TPTE2: variants seen among roughly 807,000 people sequenced by gnomAD.
The protein encoded by TPTE2 is transmembrane phosphoinositide 3-phosphatase and tensin homolog 2.
A neutral mutation model predicts 78.6 loss-of-function variants in TPTE2; 53 were observed. The observed-to-expected ratio is 0.67, with a 90% CI of 0.54 to 0.85. TPTE2 has a LOEUF of 0.85. Ranked by LOEUF, TPTE2 falls within the 40% of genes least tolerant of loss-of-function variation. The probability of loss-of-function intolerance (pLI) is 0.00; values close to 1 mark genes in which losing one functional copy is unlikely to be tolerated. For synonymous variants in TPTE2, 175 were observed against 206.2 expected, an observed-to-expected ratio of 0.85 and a Z score of 1.30; for missense variants, 461 against 623.0, an observed-to-expected ratio of 0.74 and a Z score of 2.77.
the TPTE2 span, chr13:19,561,401 G>A: frequency 1.1e-5 from 5 of 445,088 alleles, no homozygotes; most frequent in Non-Finnish European, 2.0e-5. Flanking sequence ...CACCTCCCGG[G>A]GCGCCGCGCC....
At chr13:19,555,898 C>T in the TPTE2 span, among the ~76,000 whole-genome samples, 9 of 145,528 alleles carry the variant, frequency 6.2e-5, no homozygotes, top group African/African-American at 1.3e-4. Context: ...CTGCAACCTC[C>T]GCCTCCTGGG....
chr13:19,427,382 C>T (rs867190113), intron 17 of TPTE2, among the ~76,000 whole-genome samples: 2 of 151,930 alleles, frequency 1.3e-5, no homozygotes, highest in African/African-American at 2.4e-5. Context: ...CGTGCCCGGC[C>T]GTGAGGCACT....
intron 1 of TPTE2, among the ~76,000 whole-genome samples, chr13:19,495,109 C>T (rs1382231847): frequency 6.6e-6 from 1 of 152,150 alleles, no homozygotes. Context: ...CGTATAATCC[C>T]ATCTGAGTTC....
chr13:19,469,141 A>C (rs1441578672), intron 6 of TPTE2, among the ~76,000 whole-genome samples: 9 of 152,146 alleles, frequency 5.9e-5, no homozygotes, highest in Non-Finnish European at 1.3e-4. Context: ...CTTGTAGTAT[A>C]GTAGTTTCAT....
At chr13:19,442,738 G>A (rs1315115530) in intron 13 of TPTE2, among the ~76,000 whole-genome samples, 1 of 152,114 alleles carries the variant, frequency 6.6e-6, no homozygotes, top group Non-Finnish European at 1.5e-5. Context: ...GAACATCTCT[G>A]CAGACACTAA....
intron 2 of TPTE2, among the ~76,000 whole-genome samples, chr13:19,493,240 C>G (rs1019939533): frequency 8.6e-5 from 13 of 151,802 alleles, no homozygotes; most frequent in Non-Finnish European, 1.9e-4. Flanking sequence ...CACAAACCTC[C>G]ATCAGTCTCC....
chr13:19,478,365 C>T (rs955261212), intron 4 of TPTE2, among the ~76,000 whole-genome samples: 1 of 152,198 alleles, frequency 6.6e-6, no homozygotes, highest in Admixed American at 6.5e-5. Flanking sequence ...TGAACAGACA[C>T]TTCTCAAAAG....
At chr13:19,434,049 C>T (rs1205284585) in intron 15 of TPTE2, among the ~76,000 whole-genome samples, 1 of 152,172 alleles carries the variant, frequency 6.6e-6, no homozygotes, top group African/African-American at 2.4e-5. Flanking sequence ...CAACTTAAAA[C>T]AACATGGACT....
chr13:19,560,925 C>G, the TPTE2 span: 8 of 1,596,374 alleles, frequency 5.0e-6, no homozygotes, highest in South Asian at 1.1e-5. Context: ...CAGCTGTACT[C>G]CATACTCCCC....
At chr13:19,476,317 T>G (rs192949622) in intron 4 of TPTE2, among the ~76,000 whole-genome samples, 56 of 151,552 alleles carry the variant, frequency 3.7e-4, no homozygotes, top group Non-Finnish European at 6.5e-4. Context: ...AACAATTTTT[T>G]TTGTCCTACT....
chr13:19,458,620 G>A (rs1356451071), intron 10 of TPTE2: 2 of 480,900 alleles, frequency 4.2e-6, no homozygotes, highest in Non-Finnish European at 8.4e-6. Context: ...AGAGACCATG[G>A]AGATTAGGCC....
chr13:19,431,215 T>A (rs1876576424), intron 16 of TPTE2, among the ~76,000 whole-genome samples: 1 of 152,126 alleles, frequency 6.6e-6, no homozygotes. Context: ...TTCTTCAGAC[T>A]TCTAATCATA....
At chr13:19,430,633 G>A in intron 16 of TPTE2, 86 bp from the exon 20 acceptor site, 3 of 865,060 alleles carry the variant, frequency 3.5e-6, no homozygotes, top group African/African-American at 3.4e-5. Flanking sequence ...GGATTAAAAA[G>A]AGAAAAAATT....
In TPTE2 at chr13:19,482,351, G is replaced by A. The variant is rs560867484; in HGVS notation, c.179+137C>T. 31 of 872,492 alleles carry A rather than the reference G, an allele frequency of 3.6e-5. No individual in the cohort carries two copies. In the East Asian group the frequency reaches 4.8e-4, roughly 14 times the overall value. 54.0% of individuals were successfully genotyped at this position (872,492 alleles called of 1,614,324 possible). A position where few individuals can be genotyped will look rare whatever the true frequency, so the allele number is the denominator to read the frequency against. On this transcript the variant is annotated intron_variant, in intron 4 of 19. Transcript: ENST00000400230. ...CTAAGAATTCAACTGGAGTAAATAC[G>A]GTGTACCCTCCCACCATACATTTTG...
chr13:19,429,463 T>C (rs578149716), intron 17 of TPTE2, among the ~76,000 whole-genome samples: 1 of 152,224 alleles, frequency 6.6e-6, no homozygotes, highest in African/African-American at 2.4e-5. Flanking sequence ...CCTTGATAAC[T>C]GAGACTGGCG....
chr13:19,560,814 C>G, the TPTE2 span: 2 of 1,508,896 alleles, frequency 1.3e-6, no homozygotes, highest in Non-Finnish European at 1.8e-6. Flanking sequence ...CCGCCCACCC[C>G]GGACGCGGTC....
chr13:19,425,697 A>C (rs777033351), intron 18 of TPTE2: 61 of 513,352 alleles, frequency 1.2e-4, no homozygotes, highest in South Asian at 3.1e-4. Flanking sequence ...CTGCTCAGGT[A>C]GCACCTTACA....
At chr13:19,560,448 T>C in the TPTE2 span, 1 of 1,607,900 alleles carries the variant, frequency 6.2e-7, no homozygotes, top group Non-Finnish European at 8.5e-7. Flanking sequence ...CATCCTGCAG[T>C]GGCAGTGAGC....
chr13:19,465,346 G>C (rs1213165349), intron 8 of TPTE2, 28 bp from the exon 12 acceptor site: 2 of 1,613,564 alleles, frequency 1.2e-6, no homozygotes, highest in Non-Finnish European at 1.7e-6. Context: ...TCATTAGTTT[G>C]TGAAACATTC....
Sources: gnomAD v4.1 joint callset for allele counts (sites outside exome capture counted in the v4.1 genomes callset) on GRCh38, gnomAD v4.1.1 for gene constraint, MANE v1.5 for transcripts, NCBI Gene and HGNC (gene_info 2026-07-23, HGNC 2026-07-21) for gene names.